The following SDK2 variants were observed in gnomAD, a reference collection of about 807,000 sequenced individuals.
SDK2 encodes protein sidekick-2.
Under a neutral mutation model 253.9 loss-of-function variants are expected in SDK2, and 105 were observed. That is an observed-to-expected ratio of 0.41 (90% CI 0.35 to 0.49). The LOEUF (loss-of-function observed/expected upper bound fraction) is 0.49, where lower values mean the gene tolerates loss of function less well. Ranked by LOEUF, SDK2 falls within the 20% of genes least tolerant of loss-of-function variation. SDK2 has a pLI of 0.06. For synonymous variants in SDK2, 1,249 were observed against 1,234.9 expected (o/e 1.01, Z -0.24); for missense variants, 2,608 against 3,003.0 (o/e 0.87, Z 3.07).
At chr17:73,572,086 G>A (rs73998906) in intron 1 of SDK2, among the ~76,000 whole-genome samples, 22,440 of 152,112 alleles carry the variant, frequency 0.15, 1,785 homozygotes, top group African/African-American at 0.18. Context: ...AACTGCAGGC[G>A]GACAAGACCT....
In SDK2 at chr17:73,380,962, G is replaced by T; in HGVS notation, c.4706-12C>A. On this transcript the variant is annotated splice_polypyrimidine_tract_variant and intron_variant, in intron 33 of 44. Transcript: ENST00000392650. Reference sequence around the variant, plus strand: ...CATGGAGTACATGGCTATGGGGTGGGGGTGCCGGGGCGGGGGCGCAGAGGG... The same window carrying T: ...CATGGAGTACATGGCTATGGGGTGGTGGTGCCGGGGCGGGGGCGCAGAGGG... 2 of 1,511,254 alleles carry T rather than the reference G, an allele frequency of 1.3e-6. No individual in the cohort carries two copies. Among genetic ancestry groups the T allele is most frequent in the South Asian group, 1.2e-5 (1 of 83,400 alleles). 93.6% of individuals were successfully genotyped at this position (1,511,254 alleles called of 1,614,324 possible).
In SDK2 at chr17:73,383,731, G is replaced by T; in HGVS notation, c.4705+145C>A. On this transcript the variant is annotated intron_variant, in intron 33 of 44. Coordinates refer to ENST00000392650, the MANE Select transcript of SDK2 (RefSeq NM_001144952.2). This position sits in a 1 kb window ranked among gnomAD's most constrained non-coding sequence, Gnocchi z 4.3. ...AAATATTCAGTAAATGAATGAATGG[G>T]ATGGGAGGAGGGAGAGGCACACATG... 2 of 907,768 alleles carry T rather than the reference G, an allele frequency of 2.2e-6. No individual in the cohort carries two copies. The highest frequency in any genetic ancestry group is 3.4e-6 in the Non-Finnish European group (2 of 590,208). The allele number at this position is 907,768 out of a possible 1,614,324, so 56.2% of individuals were successfully genotyped here. A position where few individuals can be genotyped will look rare whatever the true frequency, so the allele number is the denominator to read the frequency against.
intron 18 of SDK2, among the ~76,000 whole-genome samples, chr17:73,413,493 C>T (rs1454263468): frequency 6.6e-6 from 1 of 152,116 alleles, no homozygotes; most frequent in Non-Finnish European, 1.5e-5. Context: ...GAAAAATTGT[C>T]TTCCATGAAA....
intron 27 of SDK2, among the ~76,000 whole-genome samples, chr17:73,392,592 G>A (rs2062937022): frequency 6.6e-6 from 1 of 152,180 alleles, no homozygotes; most frequent in South Asian, 2.1e-4. Context: ...CTTGAACCTG[G>A]CCTTCCAGAT....
chr17:73,643,533 C>A lies in SDK2; in HGVS notation c.64+492G>T, dbSNP rs1219760191. 3.3e-5 allele frequency among the ~76,000 whole-genome samples: 5 copies of A among 152,090 alleles called. No individual in the cohort carries two copies. The highest frequency in any genetic ancestry group is 3.3e-4 in the Admixed American group (5 of 15,280). On this transcript the variant is annotated intron_variant, in intron 1 of 44. Coordinates refer to ENST00000392650, the MANE Select transcript of SDK2 (RefSeq NM_001144952.2). This position sits in a 1 kb window ranked among gnomAD's most constrained non-coding sequence, Gnocchi z 6.9. ...AAGCCGGGCAATTGCTCTCCCCGGG[C>A]GAGCAACCCGGCATCCAGCGCTCGC...
rs1317104736 is a variant in SDK2 at position 73,644,321 on chromosome 17, G to A, written c.-233C>T. Among the ~76,000 whole-genome samples the A allele has an allele frequency of 6.6e-6, 1 of 152,176 alleles. No homozygotes were observed. The highest frequency in any genetic ancestry group is 2.4e-5 in the African/African-American group (1 of 41,460). On this transcript the variant is annotated 5_prime_UTR_variant, in exon 1 of 45. Transcript: ENST00000392650. This position sits in a 1 kb window ranked among gnomAD's most constrained non-coding sequence, Gnocchi z 6.3. ...GCGCCCGGAAGGCGAGGGGCGAGCA[G>A]GGAGAAAGAGGCCAGGCCGCCCTCT... is the stretch of plus-strand genomic sequence containing the variant.
intron 44 of SDK2, among the ~76,000 whole-genome samples, chr17:73,344,599 A>T (rs1191050407): frequency 6.6e-6 from 1 of 152,238 alleles, no homozygotes; most frequent in Non-Finnish European, 1.5e-5. Flanking sequence ...GGACAGCTAG[A>T]TGTTAAATGA....
Position 73,398,457 on chromosome 17 carries a change from T to C in SDK2, c.3094-28A>G, listed in dbSNP as rs765439084. The C allele has an allele frequency of 1.0e-5, 16 of 1,590,360 alleles. No homozygotes were observed. In the South Asian group the frequency reaches 1.8e-4, roughly 18 times the overall value. On this transcript the variant is annotated intron_variant, in intron 22 of 44. Transcript: ENST00000392650. ...GGAAAAGGGCAGGATCTTAGGCCTGTCCAGCCTACAGGGCCCACACGGGGT... is the reference window on the plus strand; with the variant it reads ...GGAAAAGGGCAGGATCTTAGGCCTGCCCAGCCTACAGGGCCCACACGGGGT...
intron 10 of SDK2, among the ~76,000 whole-genome samples, chr17:73,432,792 ATG>A (rs1472141349): frequency 1.3e-5 from 2 of 151,860 alleles, no homozygotes; most frequent in Non-Finnish European, 2.9e-5. Flanking sequence ...GTGTATGTAC[ATG>A]TGTGTGCATA....
chr17:73,415,703 G>A (rs2063174459), intron 17 of SDK2, 108 bp downstream of exon 17: 2 of 982,162 alleles, frequency 2.0e-6, no homozygotes, highest in Non-Finnish European at 3.0e-6. Context: ...TGCCCAGGCT[G>A]GCTTAAAACT....
chr17:73,435,604 G>A lies in SDK2; in HGVS notation c.1041C>T (p.Ala347=), dbSNP rs141288449. The change falls in exon 9 of 45, where the codon GCC becomes GCT. Residue 347 remains alanine (A), a synonymous_variant. Transcript: ENST00000392650. The surrounding 1 kb of genome is among the most constrained non-coding windows in gnomAD (Gnocchi z 5.7). ...PPSITWYKDA[A]VVEVEKLTRF... ...GGGTCAACTTCTCCACCTCCACCAC[G>A]GCTGCGTCCTTGTACCAGGTGATGG... 3.7e-5 allele frequency: 58 copies of A among 1,576,376 alleles called. No homozygotes were observed. The highest frequency in any genetic ancestry group is 2.7e-4 in the African/African-American group (20 of 74,008).
chr17:73,412,752 T>C (rs765325829), intron 18 of SDK2, among the ~76,000 whole-genome samples: 3 of 151,956 alleles, frequency 2.0e-5, no homozygotes, highest in Non-Finnish European at 2.9e-5. Flanking sequence ...CCCATCTCTA[T>C]TGAAAATACA....
rs566533297 is a variant in SDK2, at chr17:73,467,799, C to T, written c.331+4313G>A. 2.0e-5 allele frequency among the ~76,000 whole-genome samples: 3 copies of T among 152,236 alleles called. No homozygotes were observed. Among genetic ancestry groups the T allele is most frequent in the Non-Finnish European group, 2.9e-5 (2 of 68,024 alleles). On this transcript the variant is annotated intron_variant, in intron 3 of 44. Coordinates refer to ENST00000392650, the MANE Select transcript of SDK2 (RefSeq NM_001144952.2). This position sits in a 1 kb window ranked among gnomAD's most constrained non-coding sequence, Gnocchi z 4.1. Reference sequence around the variant, plus strand: ...GCTGTGGACTGTGGTTACCACTTCACGACATTATGGAGGAAACAGCTTCAC... The same window carrying T: ...GCTGTGGACTGTGGTTACCACTTCATGACATTATGGAGGAAACAGCTTCAC...
Position 73,408,061 on chromosome 17 carries a change from TTTTC to T in SDK2, c.2485-5924_2485-5921del, listed in dbSNP as rs1382443337. The stretch of plus-strand genomic sequence containing the variant: ...TAAAATATTTCCTTTTTTTTTTTTT[TTTTC>T]TTTTGAGACAGAGTCTGGCTCTGTC... On this transcript the variant is annotated intron_variant, in intron 18 of 44. Coordinates refer to ENST00000392650, the MANE Select transcript of SDK2 (RefSeq NM_001144952.2). Among the ~76,000 whole-genome samples the T allele has an allele frequency of 1.0e-4, 13 of 130,356 alleles. 3 individuals carry two copies. The South Asian group carries it at 1.8e-3, about 19-fold the overall frequency. 85.5% of individuals were successfully genotyped at this position (130,356 alleles called of 152,430 possible). A position where few individuals can be genotyped will look rare whatever the true frequency, so the allele number is the denominator to read the frequency against.
chr17:73,533,629 T>A (rs2064188169), intron 1 of SDK2, among the ~76,000 whole-genome samples: 1 of 151,954 alleles, frequency 6.6e-6, no homozygotes, highest in Non-Finnish European at 1.5e-5. Context: ...TGGACCACAC[T>A]CAGCTACAGA....
intron 29 of SDK2, among the ~76,000 whole-genome samples, chr17:73,389,009 T>C (rs1449148588): frequency 7.2e-6 from 1 of 138,454 alleles, no homozygotes; most frequent in Non-Finnish European, 1.5e-5. Flanking sequence ...TCCTTTTTCT[T>C]TCGTTATTTA....
chr17:73,440,751 G>T, intron 6 of SDK2, 61 bp downstream of exon 6: 2 of 1,255,772 alleles, frequency 1.6e-6, no homozygotes, highest in Non-Finnish European at 1.1e-6. Flanking sequence ...CCTGGAGCCC[G>T]CAGTTTGGGA....
chr17:73,361,318 G>C lies in SDK2; in HGVS notation c.5467+366C>G, dbSNP rs2062637952. On this transcript the variant is annotated intron_variant, in intron 39 of 44. Transcript: ENST00000392650. The surrounding 1 kb of genome is among the most constrained non-coding windows in gnomAD (Gnocchi z 4.1). ...GGAAGATGGCTCTGGCTGGGCGAAAGGCAGGGGCACCTGCCAGGCTGCATC... is the reference window on the plus strand; with the variant it reads ...GGAAGATGGCTCTGGCTGGGCGAAACGCAGGGGCACCTGCCAGGCTGCATC... Among the ~76,000 whole-genome samples, 1 of 152,196 alleles carries C rather than the reference G, an allele frequency of 6.6e-6. No homozygotes were observed. Among genetic ancestry groups the C allele is most frequent in the African/African-American group, 2.4e-5 (1 of 41,450 alleles).
intron 18 of SDK2, among the ~76,000 whole-genome samples, chr17:73,405,512 A>ATG (rs2063068952): frequency 4.9e-5 from 3 of 61,534 alleles, no homozygotes; most frequent in African/African-American, 2.0e-4. Flanking sequence ...ATATATATAT[A>ATG]TATATAAAGA....
Sources: allele counts gnomAD v4.1 joint callset (sites outside exome capture counted in the v4.1 genomes callset), GRCh38; gene constraint gnomAD v4.1.1; non-coding constraint Gnocchi (gnomAD v3.1); transcripts MANE v1.5; gene names NCBI Gene and HGNC (gene_info 2026-07-23, HGNC 2026-07-21).